Variants in FAAH2 observed in about 807,000 individuals in gnomAD.
FAAH2 encodes fatty acid amide hydrolase 2, also known as fatty-acid amide hydrolase 2.
A neutral mutation model predicts 36.9 loss-of-function variants in FAAH2; 60 were observed. That is an observed-to-expected ratio of 1.63 (90% CI 1.32 to 2.02). The LOEUF (loss-of-function observed/expected upper bound fraction) is 2.02. FAAH2 is among the 30% of genes most tolerant of loss of function. FAAH2 has a pLI of 0.00. For missense variants in FAAH2, 689 were observed against 397.5 expected (o/e 1.73, Z -6.23); for synonymous variants, 214 against 143.8 (o/e 1.49, Z -3.49).
chrX:57,473,213 TTTTGTTATATTGTGTCTG>T (rs1412472882), intron 10 of FAAH2, among the ~76,000 whole-genome samples: 2 of 111,651 alleles, frequency 1.8e-5, no homozygotes, highest in African/African-American at 6.5e-5. Context: ...GTTTTAGATG[TTTTGTTATATTGTGTCTG>T]TTTTTATACA....
the FAAH2 span, among the ~76,000 whole-genome samples, chrX:57,173,485 T>C: frequency 8.9e-6 from 1 of 112,095 alleles, no homozygotes; most frequent in East Asian, 2.8e-4. Flanking sequence ...TGGAGGAGTC[T>C]TTAATGTCTT....
intron 7 of FAAH2, among the ~76,000 whole-genome samples, chrX:57,402,806 T>A (rs1489387849): frequency 1.8e-5 from 2 of 111,989 alleles, no homozygotes; most frequent in Non-Finnish European, 3.8e-5. Flanking sequence ...TGATTCTGCA[T>A]CCCTCTGAGG....
chrX:57,416,099 T>G (rs1025379280), intron 7 of FAAH2, among the ~76,000 whole-genome samples: 3 of 111,192 alleles, frequency 2.7e-5, no homozygotes, highest in African/African-American at 9.8e-5. Context: ...CTTCATCCCT[T>G]TATTTTGGGC....
intron 3 of FAAH2, among the ~76,000 whole-genome samples, chrX:57,316,435 A>G (rs1569252696): frequency 8.9e-6 from 1 of 112,070 alleles, no homozygotes; most frequent in Non-Finnish European, 1.9e-5. Flanking sequence ...ATCCTAAGCA[A>G]ATAGAAGCAG....
chrX:57,457,382 A>T (rs1281616237), intron 10 of FAAH2, among the ~76,000 whole-genome samples: 1 of 111,114 alleles, frequency 9.0e-6, no homozygotes, highest in Admixed American at 9.6e-5. Context: ...CCCCTTGGGA[A>T]CTGGAACAAG....
At chrX:57,151,424 A>G in the FAAH2 span, among the ~76,000 whole-genome samples, 7 of 111,510 alleles carry the variant, frequency 6.3e-5, no homozygotes, top group Admixed American at 2.8e-4. Context: ...TGGTCTTTTC[A>G]CATAGTCCCA....
the FAAH2 span, among the ~76,000 whole-genome samples, chrX:57,177,582 ATAT>A: frequency 7.1e-5 from 1 of 14,081 alleles, no homozygotes; most frequent in Non-Finnish European, 1.2e-4. Context: ...ATTTAAATAT[ATAT>A]ATATATATAT....
the FAAH2 span, among the ~76,000 whole-genome samples, chrX:57,124,043 A>G: frequency 9.0e-6 from 1 of 111,491 alleles, no homozygotes; most frequent in African/African-American, 3.3e-5. Context: ...TTTTGTTGCC[A>G]TTGCTTTTGG....
intron 7 of FAAH2, among the ~76,000 whole-genome samples, chrX:57,386,398 C>T (rs1288211996): frequency 1.8e-5 from 2 of 110,339 alleles, no homozygotes; most frequent in Admixed American, 9.6e-5. Context: ...ACCTTCGTTG[C>T]TTGGGTTGAT....
chrX:57,161,344 G>T, the FAAH2 span, among the ~76,000 whole-genome samples: 2 of 111,635 alleles, frequency 1.8e-5, no homozygotes, highest in Non-Finnish European at 3.8e-5. Context: ...CTGTTGATTT[G>T]GGGTGGAGAG....
chrX:57,400,571 T>A (rs1344448095), intron 7 of FAAH2, among the ~76,000 whole-genome samples: 4 of 112,277 alleles, frequency 3.6e-5, no homozygotes, highest in Non-Finnish European at 7.5e-5. Context: ...CGAGTTTTCT[T>A]AATTAGTGTG....
At chrX:57,139,879 T>C in the FAAH2 span, among the ~76,000 whole-genome samples, 384 of 112,229 alleles carry the variant, frequency 3.4e-3, 3 homozygotes, top group African/African-American at 0.012. Context: ...ACTGTTTATT[T>C]TCTGTTTCCA....
the FAAH2 span, among the ~76,000 whole-genome samples, chrX:57,162,387 C>T: frequency 1.8e-5 from 2 of 111,288 alleles, no homozygotes; most frequent in African/African-American, 6.5e-5. Context: ...CTCTGTATTT[C>T]CTGTATCTGA....
At chrX:57,287,910 A>G (rs2051854385) in intron 1 of FAAH2, among the ~76,000 whole-genome samples, 1 of 111,263 alleles carries the variant, frequency 9.0e-6, no homozygotes, top group African/African-American at 3.3e-5. Flanking sequence ...ATGAATTATT[A>G]ATATTTGTAT....
chrX:57,468,409 G>A (rs1005913576), intron 10 of FAAH2, among the ~76,000 whole-genome samples: 1 of 111,981 alleles, frequency 8.9e-6, no homozygotes, highest in African/African-American at 3.2e-5. Flanking sequence ...TAAATGACCT[G>A]ATGGAGCTGA....
At chrX:57,182,219 A>T in the FAAH2 span, among the ~76,000 whole-genome samples, 1 of 112,572 alleles carries the variant, frequency 8.9e-6, no homozygotes, top group Non-Finnish European at 1.9e-5. Context: ...ATTGCAACAA[A>T]AGCAATAATT....
the FAAH2 span, among the ~76,000 whole-genome samples, chrX:57,128,116 C>T: frequency 2.7e-5 from 3 of 111,876 alleles, no homozygotes; most frequent in African/African-American, 9.7e-5. Context: ...TGTGACATTT[C>T]TCATTCCATC....
the FAAH2 span, among the ~76,000 whole-genome samples, chrX:57,201,583 A>G: frequency 8.9e-6 from 1 of 111,783 alleles, no homozygotes; most frequent in Non-Finnish European, 1.9e-5. Context: ...TCTTGTGATT[A>G]AGTTTGCTTG....
intron 10 of FAAH2, among the ~76,000 whole-genome samples, chrX:57,475,267 C>T (rs2057245770): frequency 9.0e-6 from 1 of 111,572 alleles, no homozygotes; most frequent in Non-Finnish European, 1.9e-5. Context: ...GAAGTATTTG[C>T]CCATGCCTAT....
Sources: allele counts gnomAD v4.1 joint callset (sites outside exome capture counted in the v4.1 genomes callset), GRCh38; gene constraint gnomAD v4.1.1; transcripts MANE v1.5; gene names NCBI Gene and HGNC (gene_info 2026-07-23, HGNC 2026-07-21).